NOL4: variants seen among roughly 807,000 people sequenced by gnomAD.
NOL4 encodes cancer/testis antigen 125.
A neutral mutation model predicts 75.9 loss-of-function variants in NOL4; 17 were observed. The ratio of observed to expected loss-of-function variants is 0.22; its 90% CI spans 0.15 to 0.34. NOL4 has a LOEUF of 0.34. NOL4 is among the 10% of genes least tolerant of loss of function. The pLI is 1.00. For synonymous variants in NOL4, 292 were observed against 289.9 expected, an observed-to-expected ratio of 1.01 and a Z score of -0.07; for missense variants, 614 against 793.5, an observed-to-expected ratio of 0.77 and a Z score of 2.72.
rs1295326018 is a variant in NOL4, at chr18:33,851,568, AAAC to A, written c.*1271_*1273del. ...AAGAATTTGTAATCCAACCAAAGCT[AAAC>A]AACAGAAAAAAGTTGTATAAGAAGC... On this transcript the variant is annotated 3_prime_UTR_variant, in exon 11 of 11. Coordinates refer to ENST00000261592, the MANE Select transcript of NOL4 (RefSeq NM_003787.5). The A allele has an allele frequency of 6.6e-6, 1 of 152,482 alleles. No homozygotes were observed. Among genetic ancestry groups the A allele is most frequent in the Non-Finnish European group, 1.5e-5 (1 of 67,994 alleles). The allele number at this position is 152,482 out of a possible 1,614,324, so 9.4% of individuals were successfully genotyped here. A position where few individuals can be genotyped will look rare whatever the true frequency, so the allele number is the denominator to read the frequency against.
At chr18:34,170,460 G>A (rs761952169) in intron 1 of NOL4, among the ~76,000 whole-genome samples, 2 of 152,134 alleles carry the variant, frequency 1.3e-5, no homozygotes, top group Non-Finnish European at 2.9e-5. Context: ...CCAAAGTGCT[G>A]GGATTGCAGG....
Position 34,070,457 on chromosome 18 carries a change from T to C in NOL4, c.772+23008A>G, listed in dbSNP as rs374323805. Among the ~76,000 whole-genome samples the C allele has an allele frequency of 5.8e-4, 88 of 152,350 alleles. 1 individual carries two copies. The highest frequency in any genetic ancestry group is 3.4e-3 in the Middle Eastern group (1 of 294). ...AATAGACTTTGCCTCTTCTCATTTG[T>C]TGATTTTCATTTATTTCCACATAAT... On this transcript the variant is annotated intron_variant, in intron 5 of 10. Transcript: ENST00000261592.
intron 1 of NOL4, among the ~76,000 whole-genome samples, chr18:34,217,772 G>A (rs966509213): frequency 1.3e-5 from 2 of 151,738 alleles, no homozygotes; most frequent in Non-Finnish European, 2.9e-5. Context: ...ATATGTATGT[G>A]TATATATGTG....
At chr18:34,219,452 A>T (rs1363991616) in intron 1 of NOL4, among the ~76,000 whole-genome samples, 1 of 152,246 alleles carries the variant, frequency 6.6e-6, no homozygotes, top group Non-Finnish European at 1.5e-5. Flanking sequence ...TCACAATATC[A>T]AATGGTATAA....
chr18:34,064,179 GATAGA>G (rs1394286555), intron 5 of NOL4, among the ~76,000 whole-genome samples: 1 of 151,994 alleles, frequency 6.6e-6, no homozygotes, highest in Non-Finnish European at 1.5e-5. Context: ...ATTATTGAAA[GATAGA>G]ATGAGTCCAA....
intron 9 of NOL4, among the ~76,000 whole-genome samples, chr18:33,928,372 C>T (rs560189378): frequency 1.4e-4 from 21 of 152,144 alleles, no homozygotes; most frequent in African/African-American, 4.8e-4. Context: ...TCAAATTTTC[C>T]ATATAAATGT....
chr18:34,195,023 C>T (rs1472311233), intron 1 of NOL4, among the ~76,000 whole-genome samples: 1 of 137,322 alleles, frequency 7.3e-6, no homozygotes, highest in Non-Finnish European at 1.6e-5. Flanking sequence ...AGCGAAACTC[C>T]GTCTCAAAAA....
intron 5 of NOL4, among the ~76,000 whole-genome samples, chr18:34,087,397 A>G (rs890817311): frequency 6.6e-6 from 1 of 152,082 alleles, no homozygotes; most frequent in African/African-American, 2.4e-5. Flanking sequence ...TCGAGTGTAC[A>G]AGTCAAGAGA....
intron 5 of NOL4, among the ~76,000 whole-genome samples, chr18:34,084,909 C>A (rs760420393): frequency 6.6e-6 from 1 of 152,180 alleles, no homozygotes; most frequent in Non-Finnish European, 1.5e-5. Context: ...AAGGCTAAAG[C>A]TGTTTTTAAA....
chr18:34,112,025 A>G (rs550831958), intron 2 of NOL4, among the ~76,000 whole-genome samples: 2 of 152,160 alleles, frequency 1.3e-5, no homozygotes, highest in African/African-American at 4.8e-5. Context: ...TCTCAAAGAG[A>G]TATCTGCACT....
chr18:34,008,642 T>C (rs1000904173), intron 6 of NOL4, among the ~76,000 whole-genome samples: 6 of 151,978 alleles, frequency 3.9e-5, no homozygotes, highest in African/African-American at 1.4e-4. Flanking sequence ...AGGCCCCAAA[T>C]ATCTCCTTTA....
intron 1 of NOL4, among the ~76,000 whole-genome samples, chr18:34,186,441 A>T (rs1337063623): frequency 1.3e-5 from 2 of 152,204 alleles, no homozygotes; most frequent in African/African-American, 4.8e-5. Context: ...GTGTTATCCT[A>T]CCTGTAAGCC....
chr18:33,895,618 G>A (rs1232669059), intron 9 of NOL4, among the ~76,000 whole-genome samples: 3 of 151,722 alleles, frequency 2.0e-5, no homozygotes, highest in Admixed American at 2.0e-4. Context: ...AGAAAAAAAT[G>A]GTGTCTTTAA....
intron 9 of NOL4, among the ~76,000 whole-genome samples, chr18:33,923,342 AATTATCATAG>A (rs1173040933): frequency 1.3e-5 from 2 of 152,076 alleles, no homozygotes; most frequent in East Asian, 3.9e-4. Flanking sequence ...TTTTAAGCAG[AATTATCATAG>A]ATTATCACAC....
At chr18:33,898,614 CA>C (rs1283880328) in intron 9 of NOL4, among the ~76,000 whole-genome samples, 3 of 152,132 alleles carry the variant, frequency 2.0e-5, no homozygotes, top group Non-Finnish European at 4.4e-5. Flanking sequence ...TTGAAAATGA[CA>C]ATTCTTGTCA....
intron 6 of NOL4, among the ~76,000 whole-genome samples, chr18:33,990,582 T>C (rs1172652836): frequency 6.7e-6 from 1 of 148,698 alleles, no homozygotes; most frequent in East Asian, 2.0e-4. Context: ...GCTATACTCC[T>C]AGACCTACAC....
intron 9 of NOL4, among the ~76,000 whole-genome samples, chr18:33,908,972 G>A (rs72955296): frequency 0.025 from 3,771 of 152,038 alleles, 59 homozygotes; most frequent in Middle Eastern, 0.048. Flanking sequence ...TGGGTGTAGC[G>A]CATACAATAG....
chr18:33,926,726 G>A (rs1319144271), intron 9 of NOL4, among the ~76,000 whole-genome samples: 3 of 152,080 alleles, frequency 2.0e-5, no homozygotes, highest in Non-Finnish European at 2.9e-5. Flanking sequence ...TCAGCTTCCC[G>A]AGTAGCTGGG....
At chr18:34,137,198 G>T (rs1394058499) in intron 1 of NOL4, among the ~76,000 whole-genome samples, 2 of 152,064 alleles carry the variant, frequency 1.3e-5, no homozygotes, top group Non-Finnish European at 2.9e-5. Flanking sequence ...TTTGTACAAG[G>T]TTACACAGAA....
Sources: allele counts gnomAD v4.1 joint callset (sites outside exome capture counted in the v4.1 genomes callset), GRCh38; gene constraint gnomAD v4.1.1; transcripts MANE v1.5; gene names NCBI Gene and HGNC (gene_info 2026-07-23, HGNC 2026-07-21).